Variants in CAB39 observed in about 807,000 individuals in gnomAD.
CAB39 encodes the protein calcium-binding protein 39.
A neutral mutation model predicts 40.0 loss-of-function variants in CAB39; 8 were observed. The observed-to-expected ratio is 0.20, with a 90% CI of 0.12 to 0.36. CAB39 has a LOEUF of 0.36. Among genes scored for constraint, CAB39 ranks in the 10% least tolerant of loss-of-function variants. The pLI is 1.00. For synonymous variants in CAB39, 156 were observed against 141.6 expected, an observed-to-expected ratio of 1.10 and a Z score of -0.72; for missense variants, 270 against 401.1, an observed-to-expected ratio of 0.67 and a Z score of 2.79.
At chr2:230,760,256 C>G (rs1475807762) in intron 2 of CAB39, 141 bp downstream of exon 2, 2 of 519,186 alleles carry the variant, frequency 3.9e-6, no homozygotes, top group East Asian at 3.1e-5. Flanking sequence ...GCTGCTGTTG[C>G]AACATACTTT....
Position 230,714,271 on chromosome 2 carries a change from A to G in CAB39, c.-44+1041A>G, listed in dbSNP as rs1198959175. Among the ~76,000 whole-genome samples, 3 of 152,172 alleles carry G rather than the reference A, an allele frequency of 2.0e-5. No individual in the cohort carries two copies. In the East Asian group the frequency reaches 5.8e-4, roughly 29 times the overall value. Reference sequence around the variant, plus strand: ...ACTCATGAGCCCGGAAATGTAGGCTAGGGGATATTAAAGGCGCTCTTGTGA... The same window carrying G: ...ACTCATGAGCCCGGAAATGTAGGCTGGGGGATATTAAAGGCGCTCTTGTGA... On this transcript the variant is annotated intron_variant, in intron 1 of 8. Transcript: ENST00000258418.
chr2:230,787,463 G>C (rs959070313), intron 2 of CAB39, among the ~76,000 whole-genome samples: 1 of 152,142 alleles, frequency 6.6e-6, no homozygotes, highest in Non-Finnish European at 1.5e-5. Context: ...TGAATGATGG[G>C]CTGATGAGAT....
At chr2:230,719,665 G>T (rs1351102929) in intron 1 of CAB39, among the ~76,000 whole-genome samples, 2 of 152,160 alleles carry the variant, frequency 1.3e-5, no homozygotes, top group African/African-American at 4.8e-5. Flanking sequence ...AAAGATCTGG[G>T]CTGGGTCCTG....
intron 2 of CAB39, among the ~76,000 whole-genome samples, chr2:230,778,746 C>G (rs1360013647): frequency 1.3e-5 from 2 of 152,230 alleles, no homozygotes; most frequent in Non-Finnish European, 2.9e-5. Context: ...GGATACATTC[C>G]AAAAAATGCA....
rs1221232420 is a variant in CAB39 at position 230,787,191 on chromosome 2, C to A, written c.115-3681C>A. Among the ~76,000 whole-genome samples, 5 of 152,196 alleles carry A rather than the reference C, an allele frequency of 3.3e-5. No individual in the cohort carries two copies. The East Asian group carries it at 9.6e-4, about 29-fold the overall frequency. ...TATCAAGGTATTTGACCAAAAAAAC[C>A]TTTGGAATATAACTTGGAAATAGTT... On this transcript the variant is annotated intron_variant, in intron 2 of 8. Coordinates refer to ENST00000258418, the MANE Select transcript of CAB39 (RefSeq NM_016289.4).
intron 2 of CAB39, chr2:230,779,086 A>G (rs1239446892): frequency 6.6e-6 from 1 of 152,216 alleles, no homozygotes; most frequent in African/African-American, 2.4e-5. Flanking sequence ...TGATCCTAAC[A>G]CTTAAATATT....
chr2:230,759,918 A>G, intron 1 of CAB39, 41 bp from the exon 2 acceptor site: 2 of 663,984 alleles, frequency 3.0e-6, no homozygotes, highest in South Asian at 4.3e-5. Flanking sequence ...TCTTCCGTTG[A>G]TCCCAGTGTT....
At chr2:230,750,745 A>AT (rs1278208924) in intron 1 of CAB39, among the ~76,000 whole-genome samples, 5 of 152,176 alleles carry the variant, frequency 3.3e-5, no homozygotes, top group Non-Finnish European at 7.4e-5. Flanking sequence ...ATTTTATTCC[A>AT]TTTTATATTG....
chr2:230,806,934 G>A (rs1696205919), intron 5 of CAB39, among the ~76,000 whole-genome samples: 1 of 152,164 alleles, frequency 6.6e-6, no homozygotes, highest in South Asian at 2.1e-4. Context: ...TGATGTTTCA[G>A]CCCAAACTCA....
chr2:230,730,229 C>T (rs1694662540), intron 1 of CAB39, among the ~76,000 whole-genome samples: 1 of 152,136 alleles, frequency 6.6e-6, no homozygotes, highest in African/African-American at 2.4e-5. Context: ...TCACCTCAGC[C>T]TCTCGAGTAG....
intron 8 of CAB39, 60 bp downstream of exon 8, chr2:230,817,957 G>A (rs556351567): frequency 1.5e-5 from 21 of 1,437,228 alleles, no homozygotes; most frequent in South Asian, 7.6e-5. Context: ...TCTTTCATTC[G>A]CAAATAACGG....
At position 230,758,174 on chromosome 2, in the gene CAB39, A is replaced by G. The variant is rs146414999; in HGVS notation, c.-43-1785A>G. On this transcript the variant is annotated intron_variant, in intron 1 of 8. Coordinates refer to ENST00000258418, the MANE Select transcript of CAB39 (RefSeq NM_016289.4). ...TTAGCTGGGTTGGTGGTGCACACCT[A>G]TAGTCCCAGCTACTTGGGAGGCTAA... Among the ~76,000 whole-genome samples, 640 of 152,026 alleles carry G rather than the reference A, an allele frequency of 4.2e-3. 1 individual carries two copies. The highest frequency in any genetic ancestry group is 0.014 in the African/African-American group (586 of 41,464).
chr2:230,732,336 C>T (rs1269813292), intron 1 of CAB39, among the ~76,000 whole-genome samples: 1 of 152,170 alleles, frequency 6.6e-6, no homozygotes, highest in Non-Finnish European at 1.5e-5. Flanking sequence ...CCCACCTCGG[C>T]CTCCCAAAGT....
At chr2:230,775,993 T>A (rs1377487237) in intron 2 of CAB39, among the ~76,000 whole-genome samples, 2 of 152,190 alleles carry the variant, frequency 1.3e-5, no homozygotes, top group Non-Finnish European at 2.9e-5. Flanking sequence ...GATGACAGGT[T>A]TGAAGTGACG....
intron 2 of CAB39, among the ~76,000 whole-genome samples, chr2:230,788,389 G>GA (rs1209113617): frequency 2.0e-5 from 3 of 151,726 alleles, no homozygotes; most frequent in Non-Finnish European, 4.4e-5. Flanking sequence ...ACACCTCTTT[G>GA]AGCTATTGTT....
intron 1 of CAB39, among the ~76,000 whole-genome samples, chr2:230,746,602 A>G (rs1158201160): frequency 6.6e-6 from 1 of 152,220 alleles, no homozygotes; most frequent in Non-Finnish European, 1.5e-5. Flanking sequence ...AGAGTTGCTC[A>G]GCAAAGGTGT....
intron 5 of CAB39, among the ~76,000 whole-genome samples, chr2:230,800,738 G>A (rs938667106): frequency 4.6e-5 from 7 of 152,154 alleles, no homozygotes; most frequent in African/African-American, 9.7e-5. Flanking sequence ...CCCTGACCCC[G>A]TCAGGATGTG....
At chr2:230,721,147 T>C (rs1694445343) in intron 1 of CAB39, among the ~76,000 whole-genome samples, 1 of 152,216 alleles carries the variant, frequency 6.6e-6, no homozygotes, top group South Asian at 2.1e-4. Context: ...AGAAAACTTT[T>C]GCAGCCAGCA....
chr2:230,803,202 A>G (rs149369800), intron 5 of CAB39, among the ~76,000 whole-genome samples: 2,594 of 152,334 alleles, frequency 0.017, 70 homozygotes, highest in African/African-American at 0.052. Context: ...ACAAAATTCA[A>G]CAGCCTTTCG....
Sources: allele counts gnomAD v4.1 joint callset (sites outside exome capture counted in the v4.1 genomes callset), GRCh38; gene constraint gnomAD v4.1.1; transcripts MANE v1.5; gene names NCBI Gene and HGNC (gene_info 2026-07-23, HGNC 2026-07-21).